Variants in GRID2 observed in about 807,000 individuals in gnomAD.
The protein encoded by GRID2 is glutamate ionotropic receptor delta type subunit 2, also known as glutamate receptor ionotropic, delta-2.
GRID2 carries 33 observed loss-of-function variants against 114.8 expected under a neutral mutation model. The ratio of observed to expected loss-of-function variants is 0.29; its 90% confidence interval spans 0.22 to 0.38. GRID2 has a LOEUF of 0.38. Ranked by LOEUF, GRID2 falls within the 10% of genes least tolerant of loss-of-function variation. The pLI is 1.00. For missense variants in GRID2, 1,184 were observed against 1,257.7 expected, an observed-to-expected ratio of 0.94 and a Z score of 0.89; for synonymous variants, 505 against 449.9, an observed-to-expected ratio of 1.12 and a Z score of -1.55.
intron 8 of GRID2, among the ~76,000 whole-genome samples, chr4:93,252,268 C>T (rs998103844): frequency 6.7e-6 from 1 of 148,788 alleles, no homozygotes; most frequent in Non-Finnish European, 1.5e-5. Context: ...GATCCAGTTT[C>T]AATTTCCTGC....
chr4:92,977,468 T>C (rs1000273556), intron 2 of GRID2, among the ~76,000 whole-genome samples: 2 of 152,136 alleles, frequency 1.3e-5, no homozygotes, highest in East Asian at 3.9e-4. Context: ...AAGATGAAAA[T>C]GGAGAAGCAG....
intron 2 of GRID2, among the ~76,000 whole-genome samples, chr4:92,946,160 A>G (rs1751613567): frequency 6.6e-6 from 1 of 152,116 alleles, no homozygotes; most frequent in African/African-American, 2.4e-5. Context: ...CATTGACACA[A>G]AAAATGGCAT....
intron 4 of GRID2, among the ~76,000 whole-genome samples, chr4:93,172,659 A>G (rs905005365): frequency 6.6e-6 from 1 of 152,138 alleles, no homozygotes; most frequent in Non-Finnish European, 1.5e-5. Context: ...CAAAAACATA[A>G]TACAATGGAC....
intron 13 of GRID2, among the ~76,000 whole-genome samples, chr4:93,520,487 G>A (rs1730224498): frequency 6.6e-6 from 1 of 152,142 alleles, no homozygotes; most frequent in East Asian, 1.9e-4. Flanking sequence ...GGGACAGGAA[G>A]TGCTCCAGGC....
intron 14 of GRID2, among the ~76,000 whole-genome samples, chr4:93,657,563 C>A (rs1269842843): frequency 6.6e-6 from 1 of 151,758 alleles, no homozygotes. Context: ...TAAAAACAAG[C>A]AAACAAAAAA....
At chr4:93,564,840 A>G (rs771996703) in intron 13 of GRID2, among the ~76,000 whole-genome samples, 60 of 152,244 alleles carry the variant, frequency 3.9e-4, no homozygotes, top group Non-Finnish European at 7.4e-4. Flanking sequence ...GCACCATATT[A>G]CAAATATACG....
chr4:92,768,123 A>G (rs1359340090), intron 2 of GRID2, among the ~76,000 whole-genome samples: 1 of 152,166 alleles, frequency 6.6e-6, no homozygotes. Flanking sequence ...TATCAATGTC[A>G]TGAAATTATT....
chr4:93,364,518 G>A (rs554191304), intron 8 of GRID2, among the ~76,000 whole-genome samples: 6 of 152,140 alleles, frequency 3.9e-5, no homozygotes, highest in Non-Finnish European at 7.4e-5. Context: ...GTCACTCAGA[G>A]TAGAGTGCAG....
At chr4:92,654,071 G>T (rs140130711) in intron 2 of GRID2, among the ~76,000 whole-genome samples, 107 of 152,170 alleles carry the variant, frequency 7.0e-4, no homozygotes, top group African/African-American at 2.5e-3. Flanking sequence ...ACTCCAAAGG[G>T]TAAATGCTGT....
intron 9 of GRID2, among the ~76,000 whole-genome samples, chr4:93,408,103 C>T (rs7662289): frequency 0.25 from 38,105 of 151,924 alleles, 7,285 homozygotes; most frequent in African/African-American, 0.54. Context: ...CTGAAGTCTA[C>T]TGGGGAATAA....
chr4:92,415,746 A>G (rs1022557174), intron 1 of GRID2, among the ~76,000 whole-genome samples: 5,300 of 67,948 alleles, frequency 0.078, 226 homozygotes, highest in South Asian at 0.14. Flanking sequence ...GTGTGTATAT[A>G]TATATATATA....
chr4:92,943,356 TC>T (rs1337166835), intron 2 of GRID2, among the ~76,000 whole-genome samples: 2 of 152,198 alleles, frequency 1.3e-5, no homozygotes, highest in East Asian at 3.9e-4. Context: ...TACCCTTTCT[TC>T]CAGTTGATCG....
intron 7 of GRID2, among the ~76,000 whole-genome samples, chr4:93,237,921 C>T (rs1561025817): frequency 6.6e-6 from 1 of 151,626 alleles, no homozygotes; most frequent in Admixed American, 6.6e-5. Context: ...TTTAAGATCC[C>T]CAGGTATAAT....
At chr4:93,417,173 T>G (rs1767800143) in intron 9 of GRID2, among the ~76,000 whole-genome samples, 1 of 152,068 alleles carries the variant, frequency 6.6e-6, no homozygotes, top group African/African-American at 2.4e-5. Context: ...TACTCACACT[T>G]TGAAAATATA....
intron 1 of GRID2, among the ~76,000 whole-genome samples, chr4:93,796,520 A>G (rs757972329): frequency 6.7e-6 from 1 of 150,210 alleles, no homozygotes; most frequent in African/African-American, 2.4e-5. Context: ...GGAACCAGTC[A>G]TGGAAATGTA....
chr4:92,334,934 C>T lies in GRID2; in HGVS notation c.88+30190C>T, dbSNP rs901302501. Among the ~76,000 whole-genome samples the T allele has an allele frequency of 2.0e-5, 3 of 152,308 alleles. No individual in the cohort carries two copies. In the East Asian group the frequency reaches 5.8e-4, roughly 29 times the overall value. The stretch of plus-strand genomic sequence containing the variant: ...CTCTGGATCAAATTGTGCCTGGAGC[C>T]TGCCCTCCCTCTAGAGTTTTCATTA... On this transcript the variant is annotated intron_variant, in intron 1 of 15. Coordinates refer to ENST00000282020, the MANE Select transcript of GRID2 (RefSeq NM_001510.4).
At chr4:92,610,777 G>T (rs140511254) in intron 2 of GRID2, among the ~76,000 whole-genome samples, 43 of 151,754 alleles carry the variant, frequency 2.8e-4, no homozygotes, top group African/African-American at 9.9e-4. Context: ...CTATAGATTA[G>T]CCTCTTCTGG....
At chr4:92,807,994 G>A (rs1740498637) in intron 2 of GRID2, among the ~76,000 whole-genome samples, 1 of 151,914 alleles carries the variant, frequency 6.6e-6, no homozygotes, top group Non-Finnish European at 1.5e-5. Flanking sequence ...TTAAATTGAG[G>A]ATTTTGAAAT....
intron 2 of GRID2, among the ~76,000 whole-genome samples, chr4:93,080,595 T>A (rs1729772548): frequency 6.6e-6 from 1 of 152,138 alleles, no homozygotes; most frequent in Non-Finnish European, 1.5e-5. Context: ...ATTTTTAATC[T>A]CCACTTTTGA....
Sources: gnomAD v4.1 joint callset for allele counts (sites outside exome capture counted in the v4.1 genomes callset) on GRCh38, gnomAD v4.1.1 for gene constraint, MANE v1.5 for transcripts, NCBI Gene and HGNC (gene_info 2026-07-23, HGNC 2026-07-21) for gene names.